Variants in PHF2 observed in about 807,000 individuals in gnomAD.
PHF2 encodes PHD finger protein 2, also known as lysine-specific demethylase PHF2.
In PHF2, 27 loss-of-function variants were observed where a neutral mutation model predicts 120.5. That is an observed-to-expected ratio of 0.22 (90% CI 0.17 to 0.31). The LOEUF is 0.31. PHF2 is among the 10% of genes least tolerant of loss of function. The probability of loss-of-function intolerance (pLI) is 1.00; values close to 1 mark genes in which losing one functional copy is unlikely to be tolerated. For synonymous variants in PHF2, 568 were observed against 592.5 expected (o/e 0.96, Z 0.60); for missense variants, 1,024 against 1,434.8 (o/e 0.71, Z 4.63).
At chr9:93,647,143 C>T (rs1826275427) in intron 4 of PHF2, among the ~76,000 whole-genome samples, 1 of 152,246 alleles carries the variant, frequency 6.6e-6, no homozygotes, top group African/African-American at 2.4e-5. Context: ...TCATGCTTGC[C>T]AGGCCAGTGC....
chr9:93,614,359 T>C (rs1158562489), intron 1 of PHF2, among the ~76,000 whole-genome samples: 1 of 152,246 alleles, frequency 6.6e-6, no homozygotes, highest in African/African-American at 2.4e-5. Context: ...TTCATTTCCC[T>C]CTTGGCTTCT....
At chr9:93,653,666 C>T (rs747896874) in intron 6 of PHF2, among the ~76,000 whole-genome samples, 10 of 152,228 alleles carry the variant, frequency 6.6e-5, no homozygotes, top group South Asian at 2.1e-4. Flanking sequence ...GTTGCAAAAA[C>T]ATCCTGGAAG....
intron 1 of PHF2, among the ~76,000 whole-genome samples, chr9:93,621,744 T>C (rs2131640446): frequency 6.6e-6 from 1 of 152,186 alleles, no homozygotes; most frequent in African/African-American, 2.4e-5. Context: ...TTGTGCTGTC[T>C]GCCCCCAGGA....
chr9:93,604,487 CAG>C (rs1231694126), intron 1 of PHF2, among the ~76,000 whole-genome samples: 1 of 149,176 alleles, frequency 6.7e-6, no homozygotes, highest in Admixed American at 6.7e-5. Flanking sequence ...TTTTTTGAGA[CAG>C]AGTCTCGCTC....
At chr9:93,649,738 A>C (rs1826330723) in intron 5 of PHF2, among the ~76,000 whole-genome samples, 1 of 151,730 alleles carries the variant, frequency 6.6e-6, no homozygotes, top group Non-Finnish European at 1.5e-5. Context: ...CATTCATGAC[A>C]CTCTGACCCT....
At chr9:93,642,286 T>G (rs192837217) in intron 3 of PHF2, among the ~76,000 whole-genome samples, 2 of 152,390 alleles carry the variant, frequency 1.3e-5, no homozygotes, top group Admixed American at 1.3e-4. Flanking sequence ...CATTCCAAGT[T>G]TAGTTTGTCA....
Position 93,665,760 on chromosome 9 carries a change from A to G in PHF2, c.2012A>G (p.Lys671Arg), listed in dbSNP as rs143849629. ...CAGAACTTCAAGGAGGACAAGCCCA[A>G]GCCCGTGCGGGATGAGTATGAGTAC... Reference protein sequence around the residue: ...ALQNFKEDKPKPVRDEYEYVS... With the variant: ...ALQNFKEDKPRPVRDEYEYVS... The change falls in exon 15 of 22, where the codon AAG becomes AGG. Residue 671 changes from lysine (K) to arginine (R), a missense_variant. Around this residue, in one of 2 missense-constraint regions of PHF2, gnomAD observed 677 missense variants for 857.4 expected, o/e 0.79. Coordinates refer to ENST00000359246, the MANE Select transcript of PHF2 (RefSeq NM_005392.4). 3.1e-6 allele frequency: 5 copies of G among 1,613,998 alleles called. No homozygotes were observed. The highest frequency in any genetic ancestry group is 2.5e-6 in the Non-Finnish European group (3 of 1,180,042).
intron 1 of PHF2, among the ~76,000 whole-genome samples, chr9:93,628,832 A>G (rs1279084506): frequency 2.6e-5 from 4 of 152,172 alleles, no homozygotes; most frequent in Admixed American, 6.5e-5. Flanking sequence ...TGCCCTGCCC[A>G]TTATCCACTG....
At chr9:93,643,156 T>C (rs1826196637) in intron 3 of PHF2, among the ~76,000 whole-genome samples, 2 of 152,176 alleles carry the variant, frequency 1.3e-5, no homozygotes, top group South Asian at 4.2e-4. Flanking sequence ...TCACATTCCA[T>C]TGGGACTAGT....
At chr9:93,603,338 G>A (rs1825480758) in intron 1 of PHF2, among the ~76,000 whole-genome samples, 1 of 152,302 alleles carries the variant, frequency 6.6e-6, no homozygotes, top group Middle Eastern at 3.4e-3. Flanking sequence ...GGTTGTCTAC[G>A]GCAGGGAAGG....
At chr9:93,620,090 G>A (rs2131638469) in intron 1 of PHF2, among the ~76,000 whole-genome samples, 1 of 152,316 alleles carries the variant, frequency 6.6e-6, no homozygotes, top group Non-Finnish European at 1.5e-5. Context: ...CAAGCAGCCT[G>A]TGACCTGCTC....
intron 3 of PHF2, 58 bp downstream of exon 3, chr9:93,636,583 C>G: frequency 8.3e-7 from 1 of 1,202,850 alleles, no homozygotes; most frequent in South Asian, 1.3e-5. Flanking sequence ...ACACTCTCTC[C>G]GTCCCTTGTC....
chr9:93,624,543 A>G (rs528586715), intron 1 of PHF2, among the ~76,000 whole-genome samples: 38 of 148,474 alleles, frequency 2.6e-4, no homozygotes, highest in African/African-American at 9.5e-4. Flanking sequence ...ATAGTGGTTG[A>G]AATGATAATG....
intron 4 of PHF2, among the ~76,000 whole-genome samples, chr9:93,648,149 A>G (rs1826293812): frequency 6.6e-6 from 1 of 152,140 alleles, no homozygotes; most frequent in Non-Finnish European, 1.5e-5. Context: ...TTTTCTTCTG[A>G]CAGCCCCATT....
chr9:93,630,007 G>A lies in PHF2; in HGVS notation c.136G>A (p.Asp46Asn). 4 of 1,613,928 alleles carry A rather than the reference G, an allele frequency of 2.5e-6. No homozygotes were observed. Among genetic ancestry groups the A allele is most frequent in the African/African-American group, 1.3e-5 (1 of 75,020 alleles). Reference sequence around the variant, plus strand: ...GGAAGAGGAGGAGGCGCCCGACATCGACATATACCACTGCCCAAACTGTGA... The same window carrying A: ...GGAAGAGGAGGAGGCGCCCGACATCAACATATACCACTGCCCAAACTGTGA... ...GVEEEEAPDIDIYHCPNCEKT... is the reference protein window; with the variant it reads ...GVEEEEAPDINIYHCPNCEKT... The change falls in exon 2 of 22, where the codon GAC (aspartate) becomes AAC (asparagine). Residue 46 changes from aspartate to asparagine, a missense_variant. Coordinates refer to ENST00000359246, the MANE Select transcript of PHF2 (RefSeq NM_005392.4).
chr9:93,646,790 G>A (rs948442414), intron 4 of PHF2, among the ~76,000 whole-genome samples: 9 of 152,294 alleles, frequency 5.9e-5, no homozygotes, highest in East Asian at 1.9e-4. Context: ...TCCCAAACTC[G>A]TCATGAAGAG....
chr9:93,675,993 G>T (rs1362948786), intron 20 of PHF2, among the ~76,000 whole-genome samples: 1 of 152,204 alleles, frequency 6.6e-6, no homozygotes, highest in Non-Finnish European at 1.5e-5. Flanking sequence ...GGGGAGCTAG[G>T]AATTGACGAC....
intron 17 of PHF2, among the ~76,000 whole-genome samples, chr9:93,669,945 A>G (rs1201032160): frequency 6.6e-6 from 1 of 152,116 alleles, no homozygotes; most frequent in Non-Finnish European, 1.5e-5. Context: ...CTGCCACTGT[A>G]TTGGCCTCTT....
intron 13 of PHF2, 64 bp downstream of exon 13, chr9:93,663,090 A>C (rs968292880): frequency 1.2e-4 from 186 of 1,598,030 alleles, no homozygotes; most frequent in Non-Finnish European, 1.5e-4. Context: ...AGCAGAGGTG[A>C]ATCTGTGAGG....
Sources: allele counts gnomAD v4.1 joint callset (sites outside exome capture counted in the v4.1 genomes callset), GRCh38; gene constraint gnomAD v4.1.1; regional missense constraint gnomAD v4.1.1; transcripts MANE v1.5; gene names NCBI Gene and HGNC (gene_info 2026-07-23, HGNC 2026-07-21).